Variants in PLCH2 observed in about 807,000 individuals in gnomAD.
PLCH2 encodes the protein 1-phosphatidylinositol 4,5-bisphosphate phosphodiesterase eta-2.
Under a neutral mutation model 134.7 loss-of-function variants are expected in PLCH2, and 98 were observed. The ratio of observed to expected loss-of-function variants is 0.73; its 90% confidence interval spans 0.62 to 0.86. The LOEUF (loss-of-function observed/expected upper bound fraction) is 0.86, where lower values mean the gene tolerates loss of function less well. Ranked by LOEUF, PLCH2 falls within the 40% of genes least tolerant of loss-of-function variation. The probability of loss-of-function intolerance (pLI) is 0.00; values close to 1 mark genes in which losing one functional copy is unlikely to be tolerated. For synonymous variants in PLCH2, 974 were observed against 827.5 expected (o/e 1.18, Z -3.04); for missense variants, 1,994 against 1,986.6 (o/e 1.00, Z -0.07).
chr1:2,451,828 G>C (rs979534514), intron 2 of PLCH2, among the ~76,000 whole-genome samples: 13 of 152,242 alleles, frequency 8.5e-5, no homozygotes, highest in African/African-American at 2.4e-4. Flanking sequence ...GGGCTGCCGG[G>C]GGGGCGGTGG....
chr1:2,420,286 C>T, the PLCH2 span, among the ~76,000 whole-genome samples: 36 of 152,252 alleles, frequency 2.4e-4, no homozygotes, highest in African/African-American at 8.7e-4. Context: ...TCCCGCTGCT[C>T]GATTCCACTT....
chr1:2,460,473 C>A (rs943737922), intron 2 of PLCH2, among the ~76,000 whole-genome samples: 1 of 152,264 alleles, frequency 6.6e-6, no homozygotes, highest in Non-Finnish European at 1.5e-5. Flanking sequence ...CAGGTCTTGG[C>A]CCCGGGGCAT....
Position 2,487,680 on chromosome 1 carries a change from C to T in PLCH2, c.1197C>T (p.Val399=), listed in dbSNP as rs568108977. Reference sequence around the variant, plus strand: ...CTTCCAAGATCCTCTTCAAAGACGTCATTGAAACCATCAACAAATATGCCT... The same window carrying T: ...CTTCCAAGATCCTCTTCAAAGACGTTATTGAAACCATCAACAAATATGCCT... ...TLTSKILFKD[V]IETINKYAFI... The change falls in exon 8 of 22, where the codon GTC becomes GTT. Residue 399 remains valine (V), a synonymous_variant. Transcript: ENST00000378486. The T allele has an allele frequency of 6.2e-7, 1 of 1,613,476 alleles. No homozygotes were observed. Among genetic ancestry groups the T allele is most frequent in the East Asian group, 2.2e-5 (1 of 44,886 alleles).
the PLCH2 span, among the ~76,000 whole-genome samples, chr1:2,417,623 C>G: frequency 6.6e-6 from 1 of 152,188 alleles, no homozygotes; most frequent in Admixed American, 6.5e-5. Flanking sequence ...CCCTGTCCTG[C>G]GAGCACTGCA....
rs1639407965 is a variant in PLCH2 at position 2,436,488 on chromosome 1, TCC to T, written c.115+5860_115+5861del. Among the ~76,000 whole-genome samples the T allele has an allele frequency of 1.7e-4, 3 of 17,388 alleles. 1 individual carries two copies. The highest frequency in any genetic ancestry group is 6.8e-4 in the African/African-American group (2 of 2,920). The allele number at this position is 17,388 out of a possible 152,430, so 11.4% of individuals were successfully genotyped here. A position where few individuals can be genotyped will look rare whatever the true frequency, so the allele number is the denominator to read the frequency against. On this transcript the variant is annotated intron_variant, in intron 2 of 3. Transcript: ENST00000609981. The stretch of plus-strand genomic sequence containing the variant: ...CTTTCCTCCTTCCTCCCTCCTCCCC[TCC>T]TCCCTCCTCCTCCTTTCCTCCTTCC...
chr1:2,480,211 G>A lies in PLCH2; in HGVS notation c.544G>A (p.Asp182Asn), dbSNP rs760790950. The A allele has an allele frequency of 6.2e-7, 1 of 1,612,848 alleles. No individual in the cohort carries two copies. The highest frequency in any genetic ancestry group is 1.1e-5 in the South Asian group (1 of 91,080). The part of the protein sequence containing the change: ...QWLKQTFDEA[D>N]KNGDGSLSIG... ...GCTGAAGCAGACGTTTGACGAGGCC[G>A]ACAAGAACGGGGATGGCAGCCTGAG... Residue 182 changes from aspartate (D) to asparagine (N), a missense_variant, in exon 4 of 22, where the codon GAC becomes AAC. This residue lies in a region of PLCH2 where 1,094 missense variants were observed against 1,234.3 expected (regional missense o/e 0.89). Coordinates refer to ENST00000378486, the MANE Select transcript of PLCH2 (RefSeq NM_014638.4).
At position 2,476,449 on chromosome 1, in the gene PLCH2, T is replaced by TGAG. The variant is rs1641622214; in HGVS notation, c.-128_-126dup. 4 of 817,802 alleles carry TGAG rather than the reference T, an allele frequency of 4.9e-6. No individual in the cohort carries two copies. Among genetic ancestry groups the TGAG allele is most frequent in the Non-Finnish European group, 7.3e-6 (4 of 548,290 alleles). The allele number at this position is 817,802 out of a possible 1,614,324, so 50.7% of individuals were successfully genotyped here. A position where few individuals can be genotyped will look rare whatever the true frequency, so the allele number is the denominator to read the frequency against. On this transcript the variant is annotated 5_prime_UTR_variant, in exon 1 of 22. Coordinates refer to ENST00000378486, the MANE Select transcript of PLCH2 (RefSeq NM_014638.4). ...GCCCTGTGGGGGCTTCGGAGGGCCC[T>TGAG]GAGGAGGAGGAGGAAGAGGCAGAGG...
At chr1:2,477,287 C>T (rs1235524008) in intron 1 of PLCH2, among the ~76,000 whole-genome samples, 2 of 152,148 alleles carry the variant, frequency 1.3e-5, no homozygotes, top group African/African-American at 2.4e-5. Flanking sequence ...TCCTGCCTCA[C>T]CCCTCTCCTA....
chr1:2,505,038 G>C lies in PLCH2; in HGVS notation c.4076G>C (p.Arg1359Pro), dbSNP rs527838044. 2.5e-4 allele frequency: 388 copies of C among 1,543,706 alleles called. 3 individuals are homozygous for C. In the East Asian group the frequency reaches 7.9e-3, roughly 31 times the overall value. The change falls in exon 22 of 22, where the codon CGG becomes CCG. Residue 1359 changes from arginine (R) to proline (P), a missense_variant. This residue lies in a region of PLCH2 where 900 missense variants were observed against 752.3 expected (regional missense o/e 1.20). Coordinates refer to ENST00000378486, the MANE Select transcript of PLCH2 (RefSeq NM_014638.4). ...AGCCGGGCCCGCCAGGCCCAGGAGC[G>C]GCAGCAGAGACTGCAGGGCCTGGGC... ...IASRARQAQERQQRLQGLGRQ... is the reference protein window; with the variant it reads ...IASRARQAQEPQQRLQGLGRQ...
chr1:2,436,854 G>C (rs937663988), intron 2 of PLCH2, among the ~76,000 whole-genome samples: 1 of 152,242 alleles, frequency 6.6e-6, no homozygotes, highest in Non-Finnish European at 1.5e-5. Flanking sequence ...GGTAGGTGGG[G>C]ACCTGCAGGC....
upstream of PLCH2, among the ~76,000 whole-genome samples, chr1:2,424,275 T>C (rs1310275394): frequency 1.4e-5 from 2 of 147,870 alleles, no homozygotes; most frequent in Non-Finnish European, 1.5e-5. Flanking sequence ...ATTAATTATA[T>C]TCACCATGCT....
chr1:2,416,558 T>G, the PLCH2 span, among the ~76,000 whole-genome samples: 2 of 146,946 alleles, frequency 1.4e-5, no homozygotes, highest in Admixed American at 6.8e-5. Flanking sequence ...CTGGGGAGGG[T>G]GGGCAGCGGG....
Position 2,502,370 on chromosome 1 carries a change from G to A in PLCH2, c.2920G>A (p.Ala974Thr), listed in dbSNP as rs756632431. Residue 974 changes from alanine to threonine, a missense_variant, in exon 21 of 22, where the codon GCC becomes ACC. Physicochemically the swap from Ala to Thr is moderately conservative, Grantham distance 58. Transcript: ENST00000378486. ...VPPGPGPAPE[A>T]PAQEGPGSGS... ...CCCCGGGCCCGGACCTGCTCCGGAA[G>A]CCCCAGCCCAGGAGGGGCCCGGCAG... 1.1e-4 allele frequency: 168 copies of A among 1,541,910 alleles called. 1 individual carries two copies. In the Admixed American group the frequency reaches 3.2e-3, roughly 30 times the overall value.
chr1:2,493,201 A>T (rs1002341546), intron 11 of PLCH2: 5 of 152,278 alleles, frequency 3.3e-5, no homozygotes, highest in Admixed American at 1.3e-4. Context: ...GCCGTGCAGT[A>T]CGGGCTGTGT....
At chr1:2,502,750 C>T (rs751179474) in intron 21 of PLCH2, 1 of 716,466 alleles carries the variant, frequency 1.4e-6, no homozygotes, top group East Asian at 2.7e-5. Context: ...GCTCCATGTC[C>T]TCGGACTCCA....
intron 10 of PLCH2, 65 bp from the exon 11 acceptor site, chr1:2,491,127 T>G: frequency 6.7e-7 from 1 of 1,483,060 alleles, no homozygotes; most frequent in Non-Finnish European, 9.1e-7. Flanking sequence ...ACCCTGGGGG[T>G]TGTCATTGCC....
At chr1:2,432,539 C>G (rs1300169287) in intron 2 of PLCH2, among the ~76,000 whole-genome samples, 1 of 152,202 alleles carries the variant, frequency 6.6e-6, no homozygotes, top group Non-Finnish European at 1.5e-5. Flanking sequence ...GGGGAGAATG[C>G]AAATGACTGC....
chr1:2,473,955 G>A (rs916462575), upstream of PLCH2, among the ~76,000 whole-genome samples: 35 of 152,396 alleles, frequency 2.3e-4, no homozygotes, highest in African/African-American at 6.5e-4. Flanking sequence ...GGGAGGGGCC[G>A]AGGCGGCCTG....
intron 2 of PLCH2, among the ~76,000 whole-genome samples, chr1:2,443,269 C>G (rs1639769091): frequency 6.6e-6 from 1 of 152,224 alleles, no homozygotes. Context: ...CCCCTGACAT[C>G]TTAGTTGGGG....
Sources: allele counts gnomAD v4.1 joint callset (sites outside exome capture counted in the v4.1 genomes callset), GRCh38; gene constraint gnomAD v4.1.1; regional missense constraint gnomAD v4.1.1; transcripts MANE v1.5; gene names NCBI Gene and HGNC (gene_info 2026-07-23, HGNC 2026-07-21).